Variants in ZNF426 observed in about 807,000 individuals in gnomAD.
ZNF426 encodes the protein zinc finger protein 426.
ZNF426 carries 23 observed loss-of-function variants against 24.0 expected under a neutral mutation model. The observed-to-expected ratio is 0.96, with a 90% CI of 0.69 to 1.36. The LOEUF (loss-of-function observed/expected upper bound fraction) is 1.36, where lower values mean the gene tolerates loss of function less well. Among genes scored for constraint, ZNF426 ranks in the 40% most tolerant of loss-of-function variants. The pLI, the probability that ZNF426 is intolerant of heterozygous loss-of-function variation, is 0.00. For missense variants in ZNF426, 646 were observed against 658.4 expected (o/e 0.98, Z 0.21); for synonymous variants, 272 against 224.6 (o/e 1.21, Z -1.89).
At chr19:9,529,873 A>G (rs549796744) in intron 7 of ZNF426, among the ~76,000 whole-genome samples, 1 of 152,112 alleles carries the variant, frequency 6.6e-6, no homozygotes, top group Non-Finnish European at 1.5e-5. Context: ...TAATCCCAGC[A>G]CTTTGGGAGT....
chr19:9,529,690 C>T, intron 7 of ZNF426, 54 bp from the exon 8 acceptor site: 3 of 1,491,392 alleles, frequency 2.0e-6, no homozygotes, highest in South Asian at 1.3e-5. Flanking sequence ...ATTAACAGAA[C>T]ATACCCATCT....
In ZNF426 at chr19:9,524,671, C is replaced by T. The variant is rs912700422; in HGVS notation, c.*3709G>A. 1 of 148,674 alleles carries T rather than the reference C, an allele frequency of 6.7e-6. No homozygotes were observed. The highest frequency in any genetic ancestry group is 2.5e-5 in the African/African-American group (1 of 40,568). 9.2% of individuals were successfully genotyped at this position (148,674 alleles called of 1,614,324 possible). A position where few individuals can be genotyped will look rare whatever the true frequency, so the allele number is the denominator to read the frequency against. ...TGGTACATGCCTGTAATCCCAGCTA[C>T]TTGGGAGGCTGAGGCAGAATAATCA... On this transcript the variant is annotated 3_prime_UTR_variant, in exon 8 of 8. Coordinates refer to ENST00000253115, the MANE Select transcript of ZNF426 (RefSeq NM_024106.3).
chr19:9,531,910 G>A (rs377231085), intron 6 of ZNF426, among the ~76,000 whole-genome samples: 2 of 152,086 alleles, frequency 1.3e-5, no homozygotes, highest in East Asian at 1.9e-4. Flanking sequence ...GCATAAACCC[G>A]GGAGGTGGAG....
chr19:9,528,916 A>T lies in ZNF426; in HGVS notation c.1129T>A (p.Ser377Thr), dbSNP rs1309611848. 10 of 1,613,866 alleles carry T rather than the reference A, an allele frequency of 6.2e-6. No homozygotes were observed. Among genetic ancestry groups the T allele is most frequent in the Non-Finnish European group, 8.5e-6 (10 of 1,179,902 alleles). Residue 377 changes from serine to threonine, a missense_variant, in exon 8 of 8, where the codon TCA (serine) becomes ACA (threonine). Ser to Thr is a moderately conservative substitution (Grantham distance 58). Coordinates refer to ENST00000253115, the MANE Select transcript of ZNF426 (RefSeq NM_024106.3). ...KECGKSFLTSSRLIQHIRTHT... is the reference protein window; with the variant it reads ...KECGKSFLTSTRLIQHIRTHT... ...GTTCTTATATGTTGAATAAGGCGTG[A>T]GGATGTAAGGAAGGATTTCCCACAT...
rs1481098883 is a variant in ZNF426 at position 9,527,945 on chromosome 19, G to A, written c.*435C>T. Reference sequence around the variant, plus strand: ...TCTTATAGGGACACCAATCATATTGGATTAGGGATGTACTCTAACAGACTC... The same window carrying A: ...TCTTATAGGGACACCAATCATATTGAATTAGGGATGTACTCTAACAGACTC... On this transcript the variant is annotated 3_prime_UTR_variant, in exon 8 of 8. Transcript: ENST00000253115. 6.4e-6 allele frequency: 1 copy of A among 156,550 alleles called. No homozygotes were observed. Among genetic ancestry groups the A allele is most frequent in the Non-Finnish European group, 1.4e-5 (1 of 70,816 alleles). The allele number at this position is 156,550 out of a possible 1,614,324, so 9.7% of individuals were successfully genotyped here.
intron 6 of ZNF426, 77 bp downstream of exon 6, chr19:9,532,768 G>A: frequency 9.0e-7 from 1 of 1,110,048 alleles, no homozygotes; most frequent in South Asian, 1.3e-5. Flanking sequence ...GAAAGTACAT[G>A]TTAAAAAGTT....
chr19:9,526,223 G>A lies in ZNF426; in HGVS notation c.*2157C>T, dbSNP rs1369089485. On this transcript the variant is annotated 3_prime_UTR_variant, in exon 8 of 8. Coordinates refer to ENST00000253115, the MANE Select transcript of ZNF426 (RefSeq NM_024106.3). Reference sequence around the variant, plus strand: ...CATTTCCTCTTATCCAGTATGCCATGTCCAGCTAAGGAAAAATTACAAGCA... The same window carrying A: ...CATTTCCTCTTATCCAGTATGCCATATCCAGCTAAGGAAAAATTACAAGCA... 6.6e-6 allele frequency: 1 copy of A among 150,918 alleles called. No individual in the cohort carries two copies. Among genetic ancestry groups the A allele is most frequent in the African/African-American group, 2.4e-5 (1 of 40,972 alleles). 9.3% of individuals were successfully genotyped at this position (150,918 alleles called of 1,614,324 possible).
intron 6 of ZNF426, 97 bp downstream of exon 6, chr19:9,532,748 A>T: frequency 1.2e-6 from 1 of 844,692 alleles, no homozygotes; most frequent in Non-Finnish European, 1.9e-6. Flanking sequence ...TGGGGTTTAG[A>T]GTGCAGGGAG....
chr19:9,523,833 C>T lies in ZNF426; in HGVS notation c.*4547G>A, dbSNP rs992154904. 2 of 152,268 alleles carry T rather than the reference C, an allele frequency of 1.3e-5. 1 individual carries two copies. The highest frequency in any genetic ancestry group is 2.9e-5 in the Non-Finnish European group (2 of 68,096). 9.4% of individuals were successfully genotyped at this position (152,268 alleles called of 1,614,324 possible). On this transcript the variant is annotated 3_prime_UTR_variant, in exon 8 of 8. Coordinates refer to ENST00000253115, the MANE Select transcript of ZNF426 (RefSeq NM_024106.3). ...CAGGCAGTAATGTTTGCTCATCCTA[C>T]ATTCACCTCCTGCTGTGCACCCTGG...
chr19:9,537,143 T>TA lies in ZNF426; in HGVS notation c.-124-788dup, dbSNP rs1568488681. On this transcript the variant is annotated intron_variant, in intron 2 of 7. Transcript: ENST00000253115. ...AGACTCTGTCTCAAAAAAAAAATAA[T>TA]AATAATAATAATGACAATCATTAAT... Among the ~76,000 whole-genome samples the TA allele has an allele frequency of 4.6e-5, 7 of 150,636 alleles. 1 individual carries two copies. The highest frequency in any genetic ancestry group is 1.5e-4 in the African/African-American group (6 of 40,444).
At chr19:9,529,785 A>C (rs1301501202) in intron 7 of ZNF426, 149 bp from the exon 8 acceptor site, 64 of 760,588 alleles carry the variant, frequency 8.4e-5, no homozygotes, top group Non-Finnish European at 1.2e-4. Flanking sequence ...ATTTATTTTA[A>C]GTGGTATGAC....
Position 9,525,476 on chromosome 19 carries a change from TTTGTTGTTGTTG to T in ZNF426, c.*2892_*2903del, listed in dbSNP as rs529530878. ...AAAGGCTGAGCATTGATGATGGGTT[TTTGTTGTTGTTG>T]TTGTTGTTGTTGTTTTGAGACAGAG... On this transcript the variant is annotated 3_prime_UTR_variant, in exon 8 of 8. Transcript: ENST00000253115. 1 of 151,734 alleles carries T rather than the reference TTTGTTGTTGTTG, an allele frequency of 6.6e-6. No individual in the cohort carries two copies. Among genetic ancestry groups the T allele is most frequent in the Admixed American group, 6.6e-5 (1 of 15,162 alleles). 9.4% of individuals were successfully genotyped at this position (151,734 alleles called of 1,614,324 possible).
In ZNF426 at chr19:9,524,062, C is replaced by G. The variant is rs1183637141; in HGVS notation, c.*4318G>C. On this transcript the variant is annotated 3_prime_UTR_variant, in exon 8 of 8. Coordinates refer to ENST00000253115, the MANE Select transcript of ZNF426 (RefSeq NM_024106.3). ...CCAGTTTGTGTTCTAAAATGTTTAT[C>G]AAGGACTAAGTGGCAGGCAAGGGCT... 1 of 152,996 alleles carries G rather than the reference C, an allele frequency of 6.5e-6. No individual in the cohort carries two copies. Among genetic ancestry groups the G allele is most frequent in the Admixed American group, 6.5e-5 (1 of 15,306 alleles). The allele number at this position is 152,996 out of a possible 1,614,324, so 9.5% of individuals were successfully genotyped here.
At chr19:9,536,464 G>T in intron 2 of ZNF426, 108 bp from the exon 3 acceptor site, 1 of 1,124,560 alleles carries the variant, frequency 8.9e-7, no homozygotes, top group Non-Finnish European at 1.2e-6. Context: ...ATTTTGGGAG[G>T]CCAGGGTGGG....
intron 4 of ZNF426, 118 bp from the exon 5 acceptor site, chr19:9,534,084 C>T: frequency 1.4e-6 from 2 of 1,435,204 alleles, no homozygotes; most frequent in Admixed American, 4.9e-5. Flanking sequence ...AGTGACCAGC[C>T]CCAGGTTTTA....
At position 9,533,841 on chromosome 19, in the gene ZNF426, T is replaced by C; in HGVS notation, c.243A>G (p.Val81=). ...TGCAAGGGATGAGGCCAGTCTTACC[T>C]ACTGTGGCCAGGTTCTTGTAGTTCT... ...MLENYKNLAT[V]GGQIIKPSLI... The change falls in exon 5 of 8, where the codon GTA becomes GTG. Residue 81 remains valine (V), a splice_region_variant and synonymous_variant. Transcript: ENST00000253115. 1 of 1,614,110 alleles carries C rather than the reference T, an allele frequency of 6.2e-7. No homozygotes were observed. The highest frequency in any genetic ancestry group is 8.5e-7 in the Non-Finnish European group (1 of 1,179,968).
At chr19:9,530,758 G>A (rs559249497) in intron 7 of ZNF426, among the ~76,000 whole-genome samples, 13 of 151,974 alleles carry the variant, frequency 8.6e-5, no homozygotes, top group South Asian at 4.2e-4. Context: ...GCAGTATCTC[G>A]TTTCAAAAAA....
chr19:9,532,894 A>G lies in ZNF426; in HGVS notation c.276T>C (p.Ser92=). The G allele has an allele frequency of 6.2e-7, 1 of 1,613,986 alleles. No homozygotes were observed. The change falls in exon 6 of 8, where the codon TCT becomes TCC. Residue 92 remains serine (S), a synonymous_variant. Coordinates refer to ENST00000253115, the MANE Select transcript of ZNF426 (RefSeq NM_024106.3). ...TCCTTGACTCTTCTTGTTCCAACCA[A>G]GAGATTAGACTGGGTTTGATGATCT... The part of the protein sequence containing the change: ...GGQIIKPSLI[S]WLEQEESRTV...
rs772028422 is a variant in ZNF426, at chr19:9,533,873, T to A, written c.211A>T (p.Met71Leu). The A allele has an allele frequency of 2.5e-6, 4 of 1,614,166 alleles. No homozygotes were observed. The highest frequency in any genetic ancestry group is 3.4e-6 in the Non-Finnish European group (4 of 1,179,998). The change falls in exon 5 of 8, where the codon ATG (methionine) becomes TTG (leucine). Residue 71 changes from methionine (M) to leucine (L), a missense_variant. Met to Leu is a conservative substitution (Grantham distance 15). Coordinates refer to ENST00000253115, the MANE Select transcript of ZNF426 (RefSeq NM_024106.3). ...STQRSLYSDV[M>L]LENYKNLATV... ...GCCAGGTTCTTGTAGTTCTCCAGCA[T>A]CACGTCACTGTAGAGGCTTCTCTGA...
Sources: gnomAD v4.1 joint callset for allele counts (sites outside exome capture counted in the v4.1 genomes callset) on GRCh38, gnomAD v4.1.1 for gene constraint, MANE v1.5 for transcripts, NCBI Gene and HGNC (gene_info 2026-07-23, HGNC 2026-07-21) for gene names.